The following PDE7B variants were observed in gnomAD, a reference collection of about 807,000 sequenced individuals.
PDE7B encodes the protein phosphodiesterase 7B, also known as 3',5'-cyclic-AMP phosphodiesterase 7B.
Under a neutral mutation model 56.2 loss-of-function variants are expected in PDE7B, and 29 were observed. The ratio of observed to expected loss-of-function variants is 0.52; its 90% CI spans 0.38 to 0.70. The LOEUF is 0.70. Ranked by LOEUF, PDE7B falls within the 30% of genes least tolerant of loss-of-function variation. PDE7B has a pLI of 0.00. For synonymous variants in PDE7B, 197 were observed against 196.9 expected (o/e 1.00, Z 0.00); for missense variants, 490 against 565.0 (o/e 0.87, Z 1.35).
intron 1 of PDE7B, among the ~76,000 whole-genome samples, chr6:135,867,813 T>G (rs1207554545): frequency 2.0e-5 from 3 of 152,246 alleles, no homozygotes; most frequent in Non-Finnish European, 4.4e-5. Context: ...TTTTAAGTAA[T>G]AACAAAGAGT....
At chr6:135,953,609 A>G (rs1332949845) in intron 2 of PDE7B, among the ~76,000 whole-genome samples, 1 of 152,080 alleles carries the variant, frequency 6.6e-6, no homozygotes, top group Non-Finnish European at 1.5e-5. Flanking sequence ...TTAATACTCA[A>G]TTTTTTCTAA....
intron 2 of PDE7B, among the ~76,000 whole-genome samples, chr6:136,074,763 C>G (rs1562486688): frequency 6.6e-6 from 1 of 152,116 alleles, no homozygotes; most frequent in Non-Finnish European, 1.5e-5. Flanking sequence ...GGATCTCATT[C>G]TTTTTTATGG....
chr6:136,033,967 C>T (rs1255253454), intron 2 of PDE7B: 1 of 151,936 alleles, frequency 6.6e-6, no homozygotes, highest in Non-Finnish European at 1.5e-5. Flanking sequence ...TAAACTCCCT[C>T]CATAGTTTGC....
At chr6:135,884,664 T>C (rs751954362) in intron 1 of PDE7B, among the ~76,000 whole-genome samples, 1 of 152,212 alleles carries the variant, frequency 6.6e-6, no homozygotes, top group Non-Finnish European at 1.5e-5. Flanking sequence ...TCTCTTCTCT[T>C]GTTCTTGGGG....
At chr6:136,115,992 T>C (rs1223721323) in intron 3 of PDE7B, among the ~76,000 whole-genome samples, 1 of 152,194 alleles carries the variant, frequency 6.6e-6, no homozygotes, top group Non-Finnish European at 1.5e-5. Context: ...CTATGAGATA[T>C]TCTGCTACCC....
chr6:136,144,050 T>A (rs1362949566), intron 3 of PDE7B, among the ~76,000 whole-genome samples: 1 of 152,070 alleles, frequency 6.6e-6, no homozygotes, highest in African/African-American at 2.4e-5. Context: ...TCATCTATAT[T>A]TTCTTTTAGA....
Position 136,192,087 on chromosome 6 carries a change from G to C in PDE7B, c.*247G>C. 2 of 520,592 alleles carry C rather than the reference G, an allele frequency of 3.8e-6. No individual in the cohort carries two copies. 32.2% of individuals were successfully genotyped at this position (520,592 alleles called of 1,614,324 possible). A position where few individuals can be genotyped will look rare whatever the true frequency, so the allele number is the denominator to read the frequency against. ...TCAGTAACGTGGGAGCTGATCCCACGGGCAGGCTCTCCCTGCTCCAGGAGA... is the reference window on the plus strand; with the variant it reads ...TCAGTAACGTGGGAGCTGATCCCACCGGCAGGCTCTCCCTGCTCCAGGAGA... On this transcript the variant is annotated 3_prime_UTR_variant, in exon 13 of 13. Coordinates refer to ENST00000308191, the MANE Select transcript of PDE7B (RefSeq NM_018945.4).
chr6:135,860,254 G>A (rs1168097923), intron 1 of PDE7B, among the ~76,000 whole-genome samples: 1 of 151,960 alleles, frequency 6.6e-6, no homozygotes, highest in Non-Finnish European at 1.5e-5. Flanking sequence ...TCAGCTTTTT[G>A]CTGACAGTTT....
chr6:136,125,667 C>A (rs1474844168), intron 3 of PDE7B, among the ~76,000 whole-genome samples: 1 of 151,914 alleles, frequency 6.6e-6, no homozygotes, highest in Non-Finnish European at 1.5e-5. Flanking sequence ...GTGGTATAGG[C>A]AGATATGGTA....
At chr6:135,876,408 CT>C (rs1164046755) in intron 1 of PDE7B, among the ~76,000 whole-genome samples, 1 of 152,280 alleles carries the variant, frequency 6.6e-6, no homozygotes, top group Admixed American at 6.5e-5. Flanking sequence ...TCTAGATTTA[CT>C]TTTATTTTTC....
chr6:136,171,961 A>G lies in PDE7B; in HGVS notation c.712-1836A>G, dbSNP rs562302263. On this transcript the variant is annotated intron_variant, in intron 8 of 12. Transcript: ENST00000308191. ...TTTCACCCATGTCCCTACAAAGGAC[A>G]TGAACTCATCATTTTTTATGGCTGC... is the stretch of plus-strand genomic sequence containing the variant. Among the ~76,000 whole-genome samples, 539 of 152,120 alleles carry G rather than the reference A, an allele frequency of 3.5e-3. 1 individual carries two copies. The highest frequency in any genetic ancestry group is 0.012 in the African/African-American group (518 of 41,498).
chr6:136,097,792 C>T (rs757640720), intron 2 of PDE7B, among the ~76,000 whole-genome samples: 2 of 152,004 alleles, frequency 1.3e-5, no homozygotes, highest in Admixed American at 1.3e-4. Context: ...ATCCCGCCGA[C>T]CTTGTTCTCC....
rs116403986 is a variant in PDE7B, at chr6:136,166,008, C to T, written c.712-7789C>T. Among the ~76,000 whole-genome samples the T allele has an allele frequency of 5.2e-3, 786 of 152,256 alleles. 5 individuals carry two copies. The highest frequency in any genetic ancestry group is 0.018 in the African/African-American group (753 of 41,544). ...AAATGATGACTTGGTGTGATCCTTC[C>T]CTTTATGTAACATTCTTCCTCTAAC... is the stretch of plus-strand genomic sequence containing the variant. On this transcript the variant is annotated intron_variant, in intron 8 of 12. Transcript: ENST00000308191.
chr6:135,980,128 A>G (rs1775269329), intron 2 of PDE7B, among the ~76,000 whole-genome samples: 3 of 152,312 alleles, frequency 2.0e-5, no homozygotes, highest in Admixed American at 1.3e-4. Context: ...GCCCTCAGAA[A>G]TAACGCTGCA....
chr6:136,180,017 T>A (rs907111308), intron 10 of PDE7B, among the ~76,000 whole-genome samples: 17 of 149,068 alleles, frequency 1.1e-4, no homozygotes, highest in Non-Finnish European at 2.5e-4. Flanking sequence ...CCATTTTCTC[T>A]TGTCTTCCTT....
At chr6:136,006,673 T>C (rs533440883) in intron 2 of PDE7B, among the ~76,000 whole-genome samples, 3 of 152,302 alleles carry the variant, frequency 2.0e-5, no homozygotes, top group East Asian at 3.9e-4. Flanking sequence ...TTTGTGGCAA[T>C]TGTGAATGGG....
chr6:135,911,797 T>C (rs1776216934), intron 1 of PDE7B, among the ~76,000 whole-genome samples: 1 of 152,204 alleles, frequency 6.6e-6, no homozygotes, highest in African/African-American at 2.4e-5. Flanking sequence ...CTACAAGACT[T>C]CAAAGAGCTA....
At chr6:135,890,390 A>G (rs542802528) in intron 1 of PDE7B, among the ~76,000 whole-genome samples, 2 of 152,304 alleles carry the variant, frequency 1.3e-5, no homozygotes, top group African/African-American at 2.4e-5. Context: ...CAAACTGGTC[A>G]AAGTTGCGGA....
At chr6:136,007,333 C>T (rs528847757) in intron 2 of PDE7B, among the ~76,000 whole-genome samples, 10 of 152,216 alleles carry the variant, frequency 6.6e-5, no homozygotes, top group African/African-American at 2.2e-4. Context: ...AGGATTTTTA[C>T]GTCAGTGTTC....
Sources: allele counts gnomAD v4.1 joint callset (sites outside exome capture counted in the v4.1 genomes callset), GRCh38; gene constraint gnomAD v4.1.1; transcripts MANE v1.5; gene names NCBI Gene and HGNC (gene_info 2026-07-23, HGNC 2026-07-21).